NASP: variants seen among roughly 807,000 people sequenced by gnomAD.
NASP encodes NASP histone chaperone.
Under a neutral mutation model 89.5 loss-of-function variants are expected in NASP, and 24 were observed. The ratio of observed to expected loss-of-function variants is 0.27; its 90% CI spans 0.19 to 0.38. The LOEUF (loss-of-function observed/expected upper bound fraction) is 0.38, where lower values mean the gene tolerates loss of function less well. Among genes scored for constraint, NASP ranks in the 10% least tolerant of loss-of-function variants. NASP has a pLI of 1.00. For missense variants in NASP, 848 were observed against 921.4 expected, an observed-to-expected ratio of 0.92 and a Z score of 1.03; for synonymous variants, 306 against 324.7, an observed-to-expected ratio of 0.94 and a Z score of 0.62.
chr1:45,609,055 TG>T (rs1195453979), intron 6 of NASP, among the ~76,000 whole-genome samples: 1 of 152,210 alleles, frequency 6.6e-6, no homozygotes, highest in African/African-American at 2.4e-5. Context: ...ACTGAATTTT[TG>T]TTACTTAGAA....
intron 3 of NASP, among the ~76,000 whole-genome samples, chr1:45,602,652 C>T (rs570242656): frequency 2.6e-4 from 39 of 152,120 alleles, no homozygotes; most frequent in East Asian, 5.8e-4. Context: ...TCTCCACCCC[C>T]GCTTTTTTTT....
chr1:45,616,647 G>C lies in NASP; in HGVS notation c.2101G>C (p.Asp701His), dbSNP rs1377902241. The C allele has an allele frequency of 1.2e-6, 2 of 1,614,058 alleles. No homozygotes were observed. Among genetic ancestry groups the C allele is most frequent in the Non-Finnish European group, 1.7e-6 (2 of 1,180,000 alleles). The change falls in exon 13 of 15, where the codon GAC (aspartate) becomes CAC (histidine). Residue 701 changes from aspartate to histidine, a missense_variant. Physicochemically the swap from Asp to His is moderately conservative, Grantham distance 81 (BLOSUM62 -1). Around this residue, in one of 5 missense-constraint regions of NASP, gnomAD observed 218 missense variants for 219.6 expected, o/e 0.99. Coordinates refer to ENST00000350030, the MANE Select transcript of NASP (RefSeq NM_002482.4). Reference sequence around the variant, plus strand: ...CCAGATTGCCAGTAGAAAGCCAACAGACGGTGCTTCCTCATCAAATTGTGT... The same window carrying C: ...CCAGATTGCCAGTAGAAAGCCAACACACGGTGCTTCCTCATCAAATTGTGT... The part of the protein sequence containing the change: ...VSMIASRKPT[D>H]GASSSNCVTD...
intron 3 of NASP, among the ~76,000 whole-genome samples, chr1:45,603,733 C>T (rs983596486): frequency 6.6e-6 from 1 of 151,638 alleles, no homozygotes; most frequent in African/African-American, 2.4e-5. Flanking sequence ...CCTCTGCCTC[C>T]CAAGTAGCTG....
chr1:45,604,859 T>C, intron 3 of NASP, 77 bp from the exon 4 acceptor site: 1 of 1,135,342 alleles, frequency 8.8e-7, no homozygotes. Flanking sequence ...GAAATATCAA[T>C]TTATAACTGA....
At chr1:45,599,953 ATTTTTT>A (rs11302173) in intron 2 of NASP, among the ~76,000 whole-genome samples, 94 of 79,076 alleles carry the variant, frequency 1.2e-3, no homozygotes, top group Admixed American at 4.9e-3. Context: ...TTTCCTCTGT[ATTTTTT>A]TTTTTTTTTT....
Position 45,602,042 on chromosome 1 carries a change from G to A in NASP, c.108-213G>A, listed in dbSNP as rs549455413. Reference sequence around the variant, plus strand: ...GCTGGGATTACAGGCATGAGTCACCGCACCCAACTGAGAAAATACTCTAGT... The same window carrying A: ...GCTGGGATTACAGGCATGAGTCACCACACCCAACTGAGAAAATACTCTAGT... On this transcript the variant is annotated intron_variant, in intron 2 of 14. Transcript: ENST00000350030. Among the ~76,000 whole-genome samples the A allele has an allele frequency of 8.0e-4, 121 of 152,158 alleles. 2 individuals are homozygous for A. Among genetic ancestry groups the A allele is most frequent in the African/African-American group, 2.8e-3 (115 of 41,514 alleles).
chr1:45,616,841 C>CTGTTG (rs545809600), intron 13 of NASP, 138 bp downstream of exon 13: 1 of 827,350 alleles, frequency 1.2e-6, no homozygotes, highest in East Asian at 2.6e-5. Flanking sequence ...TGAGTGGAGA[C>CTGTTG]TGTTGTGTTT....
intron 2 of NASP, among the ~76,000 whole-genome samples, chr1:45,591,841 G>T (rs1489780292): frequency 6.6e-6 from 1 of 152,090 alleles, no homozygotes; most frequent in African/African-American, 2.4e-5. Flanking sequence ...ATTTTTTAGA[G>T]ACAGGGTCTT....
At chr1:45,614,944 G>A (rs1644077281) in intron 9 of NASP, 69 bp from the exon 10 acceptor site, 7 of 1,349,300 alleles carry the variant, frequency 5.2e-6, no homozygotes, top group Non-Finnish European at 7.2e-6. Context: ...CATAGGATGG[G>A]TCTGAATTCT....
chr1:45,599,949 C>T lies in NASP; in HGVS notation c.108-2306C>T, dbSNP rs532628722. On this transcript the variant is annotated intron_variant, in intron 2 of 14. Transcript: ENST00000350030. ...GCCTCTGTCCTAGAGTGCTTTTCCT[C>T]TGTATTTTTTTTTTTTTTTTTTTTT... Among the ~76,000 whole-genome samples, 41 of 131,466 alleles carry T rather than the reference C, an allele frequency of 3.1e-4. No homozygotes were observed. The South Asian group carries it at 7.0e-3, about 22-fold the overall frequency. The allele number at this position is 131,466 out of a possible 152,430, so 86.2% of individuals were successfully genotyped here. A position where few individuals can be genotyped will look rare whatever the true frequency, so the allele number is the denominator to read the frequency against.
rs117483576 is a variant in NASP, at chr1:45,614,475, C to T, written c.1666+109C>T. On this transcript the variant is annotated intron_variant, in intron 9 of 14. Coordinates refer to ENST00000350030, the MANE Select transcript of NASP (RefSeq NM_002482.4). ...ATCTTTAAAAAGATAGGTCTGTGTTCCCTGTAGACCCTGGAACAATGAACA... is the reference window on the plus strand; with the variant it reads ...ATCTTTAAAAAGATAGGTCTGTGTTTCCTGTAGACCCTGGAACAATGAACA... 4.8e-3 allele frequency: 3,887 copies of T among 806,588 alleles called. 59 individuals carry two copies. Among genetic ancestry groups the T allele is most frequent in the East Asian group, 0.037 (1,424 of 38,406 alleles). The allele number at this position is 806,588 out of a possible 1,614,324, so 50.0% of individuals were successfully genotyped here. A position where few individuals can be genotyped will look rare whatever the true frequency, so the allele number is the denominator to read the frequency against.
rs144532503 is a variant in NASP at position 45,584,096 on chromosome 1, T to C, written c.-51T>C. On this transcript the variant is annotated 5_prime_UTR_variant, in exon 1 of 15. Coordinates refer to ENST00000350030, the MANE Select transcript of NASP (RefSeq NM_002482.4). Reference sequence around the variant, plus strand: ...AGTCTCTGGCGTCCCAAATTGCCTGTTTTTCTCGCAGGCTCTATTCCGTTC... The same window carrying C: ...AGTCTCTGGCGTCCCAAATTGCCTGCTTTTCTCGCAGGCTCTATTCCGTTC... 91 of 1,522,254 alleles carry C rather than the reference T, an allele frequency of 6.0e-5. 1 individual carries two copies. The African/African-American group carries it at 1.2e-3, about 20-fold the overall frequency. 94.3% of individuals were successfully genotyped at this position (1,522,254 alleles called of 1,614,324 possible).
chr1:45,616,868 G>A (rs771392196), intron 13 of NASP, among the ~76,000 whole-genome samples, 165 bp downstream of exon 13: 7 of 152,082 alleles, frequency 4.6e-5, no homozygotes, highest in African/African-American at 7.2e-5. Flanking sequence ...GTTTTGAGAC[G>A]GAGTCTTGCT....
At position 45,607,948 on chromosome 1, in the gene NASP, A is replaced by G. The variant is rs1352690203; in HGVS notation, c.1037A>G (p.Glu346Gly). Residue 346 changes from glutamate to glycine, a missense_variant, in exon 6 of 15, where the codon GAG becomes GGG. Glu to Gly is a moderately conservative substitution (Grantham distance 98, BLOSUM62 -2). Coordinates refer to ENST00000350030, the MANE Select transcript of NASP (RefSeq NM_002482.4). ...GTACCACCTGCTGAAGAGTCACCAG[A>G]GGTGACAACAGAGGCTGCAGAGGCC... ...QEVPPAEESP[E>G]VTTEAAEASA... 1 of 1,614,036 alleles carries G rather than the reference A, an allele frequency of 6.2e-7. No individual in the cohort carries two copies. The highest frequency in any genetic ancestry group is 1.1e-5 in the South Asian group (1 of 91,080).
At chr1:45,613,276 G>T in intron 7 of NASP, 28 bp downstream of exon 7, 1 of 1,587,144 alleles carries the variant, frequency 6.3e-7, no homozygotes. Flanking sequence ...CAGTACTGTT[G>T]TCAGCCTTTT....
In NASP at chr1:45,602,925, C is replaced by A. The variant is rs536190249; in HGVS notation, c.218+560C>A. 7.9e-5 allele frequency among the ~76,000 whole-genome samples: 12 copies of A among 152,294 alleles called. 1 individual carries two copies. In the South Asian group the frequency reaches 8.3e-4, roughly 11 times the overall value. On this transcript the variant is annotated intron_variant, in intron 3 of 14. Transcript: ENST00000350030. ...GGATTACAGGCATGAGCCACTGAGC[C>A]CCAGCCTGACTTTCCGAGTTTTAAC...
chr1:45,600,561 A>G, intron 2 of NASP: 1 of 742,294 alleles, frequency 1.3e-6, no homozygotes. Flanking sequence ...TTTGTTAGTG[A>G]ATGACATTTT....
At chr1:45,585,791 C>G (rs528248300) in intron 1 of NASP, among the ~76,000 whole-genome samples, 2 of 152,274 alleles carry the variant, frequency 1.3e-5, no homozygotes, top group East Asian at 3.9e-4. Context: ...CTTGGGACTA[C>G]AGGTGTGCCA....
chr1:45,610,843 G>A (rs1030871511), intron 6 of NASP: 1 of 152,316 alleles, frequency 6.6e-6, no homozygotes, highest in Non-Finnish European at 1.5e-5. Flanking sequence ...AGCCTCCTGA[G>A]TAGCTGGGAC....
Sources: gnomAD v4.1 joint callset for allele counts (sites outside exome capture counted in the v4.1 genomes callset) on GRCh38, gnomAD v4.1.1 for gene constraint, gnomAD v4.1.1 regional missense constraint, MANE v1.5 for transcripts, NCBI Gene and HGNC (gene_info 2026-07-23, HGNC 2026-07-21) for gene names.